The following CSH1 variants were observed in gnomAD, a reference collection of about 807,000 sequenced individuals.
CSH1 encodes Chorionic somatomammotropin hormone 2.
In CSH1, 17 loss-of-function variants were observed where a neutral mutation model predicts 19.4. The observed-to-expected ratio is 0.88, with a 90% CI of 0.60 to 1.31. CSH1 has a LOEUF of 1.31. Ranked by LOEUF, CSH1 falls within the 40% of genes most tolerant of loss-of-function variation. CSH1 has a pLI of 0.00. For synonymous variants in CSH1, 72 were observed against 104.6 expected, an observed-to-expected ratio of 0.69 and a Z score of 1.90; for missense variants, 190 against 243.1, an observed-to-expected ratio of 0.78 and a Z score of 1.45.
chr17:63,895,657 A>T lies in CSH1; in HGVS notation c.292-20T>A. 3 of 1,494,022 alleles carry T rather than the reference A, an allele frequency of 2.0e-6. No individual in the cohort carries two copies. Among genetic ancestry groups the T allele is most frequent in the Non-Finnish European group, 2.7e-6 (3 of 1,119,976 alleles). 92.5% of individuals were successfully genotyped at this position (1,494,022 alleles called of 1,614,324 possible). A position where few individuals can be genotyped will look rare whatever the true frequency, so the allele number is the denominator to read the frequency against. On this transcript the variant is annotated intron_variant, in intron 3 of 4. Coordinates refer to ENST00000316193, the MANE Select transcript of CSH1 (RefSeq NM_001317.6). ...TAGATTCTGCAGGGGAAGGACCGGC[A>T]GTGGCTGTGCTGCCCGGGAGCCCTG...
Position 63,896,531 on chromosome 17 carries a change from C to T in CSH1, c.-20G>A. ...AGCCATTGCCACTAGGTGAGCTGTC[C>T]ACAGGACCCTGAGTGGTTCGGGGAG... is the stretch of plus-strand genomic sequence containing the variant. On this transcript the variant is annotated 5_prime_UTR_variant, in exon 1 of 5. Coordinates refer to ENST00000316193, the MANE Select transcript of CSH1 (RefSeq NM_001317.6). 2 of 1,613,462 alleles carry T rather than the reference C, an allele frequency of 1.2e-6. No homozygotes were observed. Among genetic ancestry groups the T allele is most frequent in the Non-Finnish European group, 8.5e-7 (1 of 1,179,530 alleles).
intron 1 of CSH1, 44 bp from the exon 2 acceptor site, chr17:63,896,279 A>T: frequency 6.4e-7 from 1 of 1,572,372 alleles, no homozygotes; most frequent in Non-Finnish European, 8.6e-7. Flanking sequence ...GGAGAGGAAG[A>T]GGCCAGCGCT....
At chr17:63,895,248 C>T (rs1179588095) in intron 4 of CSH1, 29 bp from the exon 5 acceptor site, 1 of 1,612,744 alleles carries the variant, frequency 6.2e-7, no homozygotes, top group Non-Finnish European at 8.5e-7. Flanking sequence ...GAAGGAGAGG[C>T]CAAGCGCTTG....
At position 63,895,475 on chromosome 17, in the gene CSH1, C is replaced by A; in HGVS notation, c.454G>T (p.Gly152Trp). Residue 152 changes from glycine to tryptophan, a missense_variant and splice_region_variant, in exon 4 of 5, where the codon GGG becomes TGG. Gly to Trp is a radical substitution (Grantham distance 184). This residue lies in a region of CSH1 where 175 missense variants were observed against 187.2 expected (regional missense o/e 0.93). Coordinates refer to ENST00000316193, the MANE Select transcript of CSH1 (RefSeq NM_001317.6). Reference sequence around the variant, plus strand: ...GTGACCCCTGGCGCCACCCTCACCCCCATCAGCGTTTGGATGCCTTCCTCT... The same window carrying A: ...GTGACCCCTGGCGCCACCCTCACCCACATCAGCGTTTGGATGCCTTCCTCT... ...DLEEGIQTLM[G>W]RLEDGSRRTG... The A allele has an allele frequency of 6.2e-7, 1 of 1,612,668 alleles. No individual in the cohort carries two copies. The highest frequency in any genetic ancestry group is 8.5e-7 in the Non-Finnish European group (1 of 1,179,684).
Position 63,895,101 on chromosome 17 carries a change from A to G in CSH1, c.575T>C (p.Phe192Ser), listed in dbSNP as rs1250642639. ...CTCGACCTTGTCCATGTCCTTCCTG[A>G]AGCAGTAGAGCAGCCCGTAGTTCTT... ...LLKNYGLLYC[F>S]RKDMDKVETF... The change falls in exon 5 of 5, where the codon TTC (phenylalanine) becomes TCC (serine). Residue 192 changes from phenylalanine (F) to serine (S), a missense_variant. This residue lies in a region of CSH1 where 175 missense variants were observed against 187.2 expected (regional missense o/e 0.93). Transcript: ENST00000316193. The G allele has an allele frequency of 2.5e-6, 4 of 1,612,846 alleles. No individual in the cohort carries two copies. Among genetic ancestry groups the G allele is most frequent in the Non-Finnish European group, 3.4e-6 (4 of 1,179,612 alleles).
In CSH1 at chr17:63,895,113, A is replaced by C. The variant is rs1255150109; in HGVS notation, c.563T>G (p.Leu188Arg). 1 of 1,612,870 alleles carries C rather than the reference A, an allele frequency of 6.2e-7. No homozygotes were observed. Among genetic ancestry groups the C allele is most frequent in the South Asian group, 1.1e-5 (1 of 91,072 alleles). ...CATGTCCTTCCTGAAGCAGTAGAGC[A>C]GCCCGTAGTTCTTGAGCAGTGCGTC... ...NHDALLKNYG[L>R]LYCFRKDMDK... The change falls in exon 5 of 5, where the codon CTG (leucine) becomes CGG (arginine). Residue 188 changes from leucine to arginine, a missense_variant. Transcript: ENST00000316193.
rs779710241 is a variant in CSH1 at position 63,895,488 on chromosome 17, G to A, written c.441C>T (p.Ile147=). ...CCACCCTCACCCCCATCAGCGTTTG[G>A]ATGCCTTCCTCTAGGTCCTTTAGGA... is the stretch of plus-strand genomic sequence containing the variant. ...YHLLKDLEEG[I]QTLMGRLEDG... Residue 147 remains isoleucine, a synonymous_variant, in exon 4 of 5, where the codon ATC becomes ATT. Coordinates refer to ENST00000316193, the MANE Select transcript of CSH1 (RefSeq NM_001317.6). 4 of 1,612,292 alleles carry A rather than the reference G, an allele frequency of 2.5e-6. No homozygotes were observed. In the African/African-American group the frequency reaches 5.4e-5, roughly 22 times the overall value.
Position 63,894,960 on chromosome 17 carries a change from G to T in CSH1, c.*62C>A. The T allele has an allele frequency of 6.2e-7, 1 of 1,612,162 alleles. No individual in the cohort carries two copies. The highest frequency in any genetic ancestry group is 1.7e-5 in the Admixed American group (1 of 59,908). On this transcript the variant is annotated 3_prime_UTR_variant, in exon 5 of 5. Coordinates refer to ENST00000316193, the MANE Select transcript of CSH1 (RefSeq NM_001317.6). ...ATTAGGACAAGGCTGGTGGGCACTG[G>T]AGTGGCACCTTCAGGGCCAGGAGAG... is the stretch of plus-strand genomic sequence containing the variant.
chr17:63,895,148 C>G lies in CSH1; in HGVS notation c.528G>C (p.Ser176=). Residue 176 remains serine, a synonymous_variant, in exon 5 of 5, where the codon TCG becomes TCC. Coordinates refer to ENST00000316193, the MANE Select transcript of CSH1 (RefSeq NM_001317.6). ...KQTYSKFDTN[S]HNHDALLKNY... ...TCTTGAGCAGTGCGTCATGGTTGTG[C>G]GAGTTTGTGTCAAACTTGCTGTAGG... 6.2e-7 allele frequency: 1 copy of G among 1,611,752 alleles called. No individual in the cohort carries two copies.
rs1269099121 is a variant in CSH1 at position 63,894,998 on chromosome 17, G to C, written c.*24C>G. On this transcript the variant is annotated 3_prime_UTR_variant, in exon 5 of 5. Coordinates refer to ENST00000316193, the MANE Select transcript of CSH1 (RefSeq NM_001317.6). The stretch of plus-strand genomic sequence containing the variant: ...AGGGCCAGGAGAGGCACTGGGGAGG[G>C]GTCACAGGATGCTACTCGGGCACCT... 1 of 1,612,684 alleles carries C rather than the reference G, an allele frequency of 6.2e-7. No individual in the cohort carries two copies. Among genetic ancestry groups the C allele is most frequent in the Non-Finnish European group, 8.5e-7 (1 of 1,179,630 alleles).
At position 63,895,475 on chromosome 17, in the gene CSH1, C is replaced by G; in HGVS notation, c.454G>C (p.Gly152Arg). 1 of 1,612,668 alleles carries G rather than the reference C, an allele frequency of 6.2e-7. No individual in the cohort carries two copies. Among genetic ancestry groups the G allele is most frequent in the Non-Finnish European group, 8.5e-7 (1 of 1,179,684 alleles). Residue 152 changes from glycine to arginine, a missense_variant and splice_region_variant, in exon 4 of 5, where the codon GGG (glycine) becomes CGG (arginine). Physicochemically the swap from Gly to Arg is moderately radical, Grantham distance 125. Coordinates refer to ENST00000316193, the MANE Select transcript of CSH1 (RefSeq NM_001317.6). ...DLEEGIQTLM[G>R]RLEDGSRRTG... ...GTGACCCCTGGCGCCACCCTCACCC[C>G]CATCAGCGTTTGGATGCCTTCCTCT...
Position 63,896,179 on chromosome 17 carries a change from C to A in CSH1, c.67G>T (p.Glu23Ter). 1 of 1,247,522 alleles carries A rather than the reference C, an allele frequency of 8.0e-7. No homozygotes were observed. Among genetic ancestry groups the A allele is most frequent in the South Asian group, 1.5e-5 (1 of 68,398 alleles). 77.3% of individuals were successfully genotyped at this position (1,247,522 alleles called of 1,614,324 possible). ...GGAACGGTTTGGACGGCACCAGCCT[C>A]TTGAAGCCAGGGCAGGCAGAGCAGG... ...FALLCLPWLQ[E>*]AGAVQTVPLS... Residue 23 changes from glutamate to a stop codon, truncating the protein, a stop_gained, in exon 2 of 5, where the codon GAG becomes TAG. Transcript: ENST00000316193. LOFTEE classifies it high-confidence loss of function.
At chr17:63,895,386 G>A (rs749168220) in intron 4 of CSH1, 87 bp downstream of exon 4, 1 of 1,612,884 alleles carries the variant, frequency 6.2e-7, no homozygotes, top group Non-Finnish European at 8.5e-7. Flanking sequence ...GCGCCTTACT[G>A]CTAAAAAGAG....
In CSH1 at chr17:63,896,448, G is replaced by A. The variant is rs1274516804; in HGVS notation, c.10+54C>T. ...AGTGCCCCCGTCCCATCTACAGGGC[G>A]CTGCCTCTCCCCTCAGGACACGTTG... On this transcript the variant is annotated intron_variant, in intron 1 of 4. Transcript: ENST00000316193. 25 of 1,610,706 alleles carry A rather than the reference G, an allele frequency of 1.6e-5. No individual in the cohort carries two copies. The East Asian group carries it at 3.1e-4, about 20-fold the overall frequency.
At position 63,895,043 on chromosome 17, in the gene CSH1, C is replaced by T. The variant is rs1050840; in HGVS notation, c.633G>A (p.Val211=). ...GCACCTAGAAGCCACAGCTGCCCTC[C>T]ACAGAGCGGCACTGCACCATGCGCA... is the stretch of plus-strand genomic sequence containing the variant. ...TFLRMVQCRS[V]EGSCGF is the part of the protein sequence containing the mutation. The change falls in exon 5 of 5, where the codon GTG becomes GTA. Residue 211 remains valine, a synonymous_variant. Coordinates refer to ENST00000316193, the MANE Select transcript of CSH1 (RefSeq NM_001317.6). The T allele has an allele frequency of 5.8e-5, 93 of 1,612,756 alleles. 5 individuals carry two copies. Among genetic ancestry groups the T allele is most frequent in the Non-Finnish European group, 6.7e-5 (79 of 1,179,594 alleles).
chr17:63,896,514 C>A lies in CSH1; in HGVS notation c.-3G>T, dbSNP rs375300601. 2 of 1,613,470 alleles carry A rather than the reference C, an allele frequency of 1.2e-6. No individual in the cohort carries two copies. The highest frequency in any genetic ancestry group is 1.7e-6 in the Non-Finnish European group (2 of 1,179,550). On this transcript the variant is annotated 5_prime_UTR_variant, in exon 1 of 5. Transcript: ENST00000316193. ...TAGGGGCGCTTACCTGGAGCCATTGCCACTAGGTGAGCTGTCCACAGGACC... is the reference window on the plus strand; with the variant it reads ...TAGGGGCGCTTACCTGGAGCCATTGACACTAGGTGAGCTGTCCACAGGACC...
rs1346530698 is a variant in CSH1, at chr17:63,895,186, T to A, written c.490A>T (p.Ile164Phe). 3.7e-6 allele frequency: 6 copies of A among 1,612,866 alleles called. No individual in the cohort carries two copies. The highest frequency in any genetic ancestry group is 4.2e-6 in the Non-Finnish European group (5 of 1,179,568). The part of the protein sequence containing the change: ...LEDGSRRTGQ[I>F]LKQTYSKFDT... ...AACTTGCTGTAGGTCTGCTTGAGGA[T>A]CTGCCCAGTCCGGCGGCTGCCGTCT... The change falls in exon 5 of 5, where the codon ATC (isoleucine) becomes TTC (phenylalanine). Residue 164 changes from isoleucine (I) to phenylalanine (F), a missense_variant. Around this residue, in one of 3 missense-constraint regions of CSH1, gnomAD observed 175 missense variants for 187.2 expected, o/e 0.93. Transcript: ENST00000316193.
Position 63,895,227 on chromosome 17 carries a change from G to T in CSH1, c.457-8C>A. The T allele has an allele frequency of 6.2e-7, 1 of 1,612,912 alleles. No homozygotes were observed. Among genetic ancestry groups the T allele is most frequent in the Non-Finnish European group, 8.5e-7 (1 of 1,179,574 alleles). On this transcript the variant is annotated splice_region_variant and splice_polypyrimidine_tract_variant and intron_variant, in intron 4 of 4. Transcript: ENST00000316193. Reference sequence around the variant, plus strand: ...GCTGCCGTCTTCCAGCCTCTGCAAAGTGAAGGAAGAGAAGGAGAGGCCAAG... The same window carrying T: ...GCTGCCGTCTTCCAGCCTCTGCAAATTGAAGGAAGAGAAGGAGAGGCCAAG...
chr17:63,895,356 A>C (rs764734343), intron 4 of CSH1, 117 bp downstream of exon 4: 9 of 1,612,856 alleles, frequency 5.6e-6, no homozygotes, highest in Middle Eastern at 1.7e-4. Context: ...ATGAAGAATA[A>C]GGTGAGTTCT....
Sources: allele counts gnomAD v4.1 joint callset, GRCh38; gene constraint gnomAD v4.1.1; regional missense constraint gnomAD v4.1.1; transcripts MANE v1.5; gene names NCBI Gene and HGNC (gene_info 2026-07-23, HGNC 2026-07-21).